The following PATJ variants were observed in gnomAD, a reference collection of about 807,000 sequenced individuals.
PATJ encodes inaD-like protein.
PATJ carries 190 observed loss-of-function variants against 224.9 expected under a neutral mutation model. The ratio of observed to expected loss-of-function variants is 0.84; its 90% confidence interval spans 0.75 to 0.95. PATJ has a LOEUF of 0.95. PATJ is among the 40% of genes least tolerant of loss of function. PATJ has a pLI of 0.00. For missense variants in PATJ, 2,121 were observed against 2,270.3 expected (o/e 0.93, Z 1.34); for synonymous variants, 769 against 820.3 (o/e 0.94, Z 1.07).
chr1:61,942,725 A>G (rs1678001870), intron 27 of PATJ, among the ~76,000 whole-genome samples: 1 of 151,770 alleles, frequency 6.6e-6, no homozygotes, highest in Non-Finnish European at 1.5e-5. Context: ...TAATTTGTGT[A>G]TTTTTAGTAG....
At chr1:62,046,063 A>C (rs1276074943) in intron 30 of PATJ, among the ~76,000 whole-genome samples, 1 of 152,036 alleles carries the variant, frequency 6.6e-6, no homozygotes, top group Admixed American at 6.6e-5. Context: ...TTAGCCAGGC[A>C]TGGTGGTGCA....
At chr1:62,131,872 AT>A (rs11313790) in intron 41 of PATJ, among the ~76,000 whole-genome samples, 100,516 of 146,400 alleles carry the variant, frequency 0.69, 34,261 homozygotes, top group African/African-American at 0.71. Flanking sequence ...ATGAATTATT[AT>A]TTTTTTTTTT....
At chr1:62,070,264 A>G (rs1172354946) in intron 31 of PATJ, among the ~76,000 whole-genome samples, 1 of 152,184 alleles carries the variant, frequency 6.6e-6, no homozygotes, top group Non-Finnish European at 1.5e-5. Flanking sequence ...TTTTTCCTCT[A>G]AAAATTCCCA....
At chr1:61,933,275 A>G (rs1476575272) in intron 27 of PATJ, among the ~76,000 whole-genome samples, 1 of 151,992 alleles carries the variant, frequency 6.6e-6, no homozygotes, top group Non-Finnish European at 1.5e-5. Context: ...AATTAAAATC[A>G]GACGCCTGTA....
intron 26 of PATJ, among the ~76,000 whole-genome samples, chr1:61,926,690 A>AT (rs1425211938): frequency 1.3e-5 from 2 of 152,074 alleles, no homozygotes; most frequent in Admixed American, 6.6e-5. Context: ...GATTTTCTAC[A>AT]AGTGTATATA....
chr1:61,985,214 A>T (rs1453201426), intron 27 of PATJ, among the ~76,000 whole-genome samples: 1 of 152,196 alleles, frequency 6.6e-6, no homozygotes, highest in East Asian at 1.9e-4. Flanking sequence ...TGGGAGGCTG[A>T]GGCAGGGGAA....
intron 21 of PATJ, among the ~76,000 whole-genome samples, chr1:61,880,136 G>A (rs1040635253): frequency 1.1e-4 from 17 of 152,134 alleles, no homozygotes; most frequent in African/African-American, 3.6e-4. Context: ...CTACTCACCT[G>A]TTTCTTTCTG....
chr1:61,866,313 T>C (rs1283962695), intron 20 of PATJ, among the ~76,000 whole-genome samples: 2 of 152,198 alleles, frequency 1.3e-5, no homozygotes, highest in African/African-American at 4.8e-5. Flanking sequence ...TTGAAGGCTA[T>C]AGATGAAATG....
chr1:62,078,535 C>T (rs1202654629), intron 31 of PATJ, among the ~76,000 whole-genome samples: 1 of 152,092 alleles, frequency 6.6e-6, no homozygotes, highest in Non-Finnish European at 1.5e-5. Flanking sequence ...ATCTGCCCAT[C>T]TCAGCCTCCC....
intron 7 of PATJ, among the ~76,000 whole-genome samples, chr1:61,778,926 C>T (rs1002200409): frequency 6.6e-6 from 1 of 151,930 alleles, no homozygotes; most frequent in African/African-American, 2.4e-5. Context: ...GTCTGGAACT[C>T]CTGACCTTAT....
chr1:62,156,813 G>C (rs890982713), intron 43 of PATJ, among the ~76,000 whole-genome samples: 1 of 150,538 alleles, frequency 6.6e-6, no homozygotes, highest in Non-Finnish European at 1.5e-5. Flanking sequence ...CTACTTGGGA[G>C]GCTGAGGTGG....
Position 62,086,246 on chromosome 1 carries a change from G to GTGTGTGTGTGTGTGTGTGTGTA in PATJ, c.4377+1611_4377+1612insGTGTGTGTATGTGTGTGTGTGT, listed in dbSNP as rs1485900733. On this transcript the variant is annotated intron_variant, in intron 33 of 43. Transcript: ENST00000642238. This position sits in a 1 kb window ranked among gnomAD's most constrained non-coding sequence, Gnocchi z 4.0. ...TTAATGCATGTGTGTGTGTGTGTAT[G>GTGTGTGTGTGTGTGTGTGTGTA]TGTGTGTGTGTGTTTAATACCTGCA... 2.8e-4 allele frequency among the ~76,000 whole-genome samples: 42 copies of GTGTGTGTGTGTGTGTGTGTGTA among 151,596 alleles called. No individual in the cohort carries two copies. Among genetic ancestry groups the GTGTGTGTGTGTGTGTGTGTGTA allele is most frequent in the Middle Eastern group, 6.8e-3 (2 of 292 alleles).
In PATJ at chr1:61,766,621, A is replaced by G. The variant is rs1297157738; in HGVS notation, c.384+148A>G. ...TTTTATATTGTTAGGAGAAACTGAC[A>G]CCATTTTCTAACCTGTGTGTTGAAA... On this transcript the variant is annotated intron_variant, in intron 4 of 43. Coordinates refer to ENST00000642238, the MANE Select transcript of PATJ (RefSeq NM_001350145.3). 5.8e-6 allele frequency: 3 copies of G among 514,426 alleles called. No individual in the cohort carries two copies. The African/African-American group carries it at 6.0e-5, about 10-fold the overall frequency. 31.9% of individuals were successfully genotyped at this position (514,426 alleles called of 1,614,324 possible). A position where few individuals can be genotyped will look rare whatever the true frequency, so the allele number is the denominator to read the frequency against.
chr1:62,119,991 A>G (rs1664866428), intron 37 of PATJ, among the ~76,000 whole-genome samples: 1 of 152,146 alleles, frequency 6.6e-6, no homozygotes, highest in Non-Finnish European at 1.5e-5. Flanking sequence ...ACCTTTCTGA[A>G]ATTTTTTAAA....
chr1:62,098,231 T>C (rs1661630532), intron 33 of PATJ, among the ~76,000 whole-genome samples: 1 of 151,312 alleles, frequency 6.6e-6, no homozygotes, highest in African/African-American at 2.4e-5. Context: ...TGGTGGTGGG[T>C]GCCTGTAGTT....
chr1:61,928,694 A>G (rs763385928), intron 27 of PATJ, among the ~76,000 whole-genome samples: 2 of 152,028 alleles, frequency 1.3e-5, no homozygotes, highest in Non-Finnish European at 2.9e-5. Flanking sequence ...TAAAGCAATA[A>G]AGCCTTTAAC....
chr1:61,927,854 G>T, intron 27 of PATJ, 25 bp downstream of exon 27: 1 of 1,454,776 alleles, frequency 6.9e-7, no homozygotes, highest in Non-Finnish European at 9.6e-7. Context: ...ACTATTTAGG[G>T]TAGATGCAGA....
intron 31 of PATJ, among the ~76,000 whole-genome samples, chr1:62,076,924 A>G (rs1469729052): frequency 6.6e-6 from 1 of 152,328 alleles, no homozygotes; most frequent in African/African-American, 2.4e-5. Flanking sequence ...TCTCTTTAGC[A>G]TAAGAGTCTG....
At chr1:61,775,145 G>A in intron 6 of PATJ, 61 bp from the exon 7 acceptor site, 1 of 1,487,540 alleles carries the variant, frequency 6.7e-7, no homozygotes, top group Admixed American at 2.4e-5. Flanking sequence ...GATTGTATTG[G>A]AAAGCTAAGA....
Sources: allele counts gnomAD v4.1 joint callset (sites outside exome capture counted in the v4.1 genomes callset), GRCh38; gene constraint gnomAD v4.1.1; non-coding constraint Gnocchi (gnomAD v3.1); transcripts MANE v1.5; gene names NCBI Gene and HGNC (gene_info 2026-07-23, HGNC 2026-07-21).